PLEKHM2: variants seen among roughly 807,000 people sequenced by gnomAD.
PLEKHM2 encodes pleckstrin homology and RUN domain containing M2, also known as pleckstrin homology domain-containing family M member 2.
PLEKHM2 carries 77 observed loss-of-function variants against 116.3 expected under a neutral mutation model. That is an observed-to-expected ratio of 0.66 (90% confidence interval 0.55 to 0.80). The LOEUF is 0.80. PLEKHM2 is among the 30% of genes least tolerant of loss of function. PLEKHM2 has a pLI of 0.00. For missense variants in PLEKHM2, 1,183 were observed against 1,354.9 expected, an observed-to-expected ratio of 0.87 and a Z score of 1.99; for synonymous variants, 562 against 571.0, an observed-to-expected ratio of 0.98 and a Z score of 0.22.
intron 1 of PLEKHM2, among the ~76,000 whole-genome samples, chr1:15,704,180 C>T (rs1347115986): frequency 6.6e-6 from 1 of 151,240 alleles, no homozygotes; most frequent in Non-Finnish European, 1.5e-5. Context: ...GGGTCCCATC[C>T]TGTCTTTCCT....
Position 15,729,377 on chromosome 1 carries a change from G to A in PLEKHM2, c.2075+187G>A, listed in dbSNP as rs2068108329. ...AGTAGACGACAATCATAGGACTCAT[G>A]TGGTCAGCCCAGGTGACCTCAGCCC... On this transcript the variant is annotated intron_variant, in intron 13 of 19. Transcript: ENST00000375799. The surrounding 1 kb of genome is among the most constrained non-coding windows in gnomAD (Gnocchi z 4.7). Among the ~76,000 whole-genome samples, 1 of 152,094 alleles carries A rather than the reference G, an allele frequency of 6.6e-6. No homozygotes were observed. Among genetic ancestry groups the A allele is most frequent in the Middle Eastern group, 3.2e-3 (1 of 316 alleles).
intron 5 of PLEKHM2, among the ~76,000 whole-genome samples, chr1:15,718,901 C>G (rs898485333): frequency 6.6e-6 from 1 of 152,136 alleles, no homozygotes; most frequent in Admixed American, 6.5e-5. Flanking sequence ...AGTATCTTAG[C>G]CCAGAAGAAC....
At chr1:15,708,482 T>C (rs1455953347) in intron 1 of PLEKHM2, among the ~76,000 whole-genome samples, 2 of 152,242 alleles carry the variant, frequency 1.3e-5, no homozygotes, top group African/African-American at 4.8e-5. Flanking sequence ...CCCAAAGTGC[T>C]GGGATTACAG....
chr1:15,686,606 G>C (rs1043924443), intron 1 of PLEKHM2, among the ~76,000 whole-genome samples: 1 of 151,186 alleles, frequency 6.6e-6, no homozygotes, highest in Non-Finnish European at 1.5e-5. Flanking sequence ...TCGGCCTCTC[G>C]AGTAGCTGGG....
chr1:15,696,490 A>G (rs1175597682), intron 1 of PLEKHM2, among the ~76,000 whole-genome samples: 1 of 152,120 alleles, frequency 6.6e-6, no homozygotes, highest in East Asian at 1.9e-4. Flanking sequence ...AGCTGGGATT[A>G]TAGGCGCCCG....
At chr1:15,722,580 C>T (rs1201657555) in intron 7 of PLEKHM2, 1 of 152,198 alleles carries the variant, frequency 6.6e-6, no homozygotes, top group African/African-American at 2.4e-5. Flanking sequence ...GTGGCTCTCC[C>T]CGCATTATTA....
chr1:15,686,376 C>G (rs1007491486), intron 1 of PLEKHM2, among the ~76,000 whole-genome samples: 13 of 152,284 alleles, frequency 8.5e-5, no homozygotes, highest in Admixed American at 7.8e-4. Flanking sequence ...AATTAATAAC[C>G]CTGTAACCTT....
In PLEKHM2 at chr1:15,729,969, TG is replaced by T; in HGVS notation, c.2208+42del. ...AGGAAGCTGAGTGCAGCCCCTGAGA[TG>T]GCAGAGCAGCAGCCGCCTTGGCGTG... On this transcript the variant is annotated intron_variant, in intron 14 of 19. Coordinates refer to ENST00000375799, the MANE Select transcript of PLEKHM2 (RefSeq NM_015164.4). The surrounding 1 kb of genome is among the most constrained non-coding windows in gnomAD (Gnocchi z 4.7). 1 of 1,525,070 alleles carries T rather than the reference TG, an allele frequency of 6.6e-7. No individual in the cohort carries two copies. The allele number at this position is 1,525,070 out of a possible 1,614,324, so 94.5% of individuals were successfully genotyped here. A position where few individuals can be genotyped will look rare whatever the true frequency, so the allele number is the denominator to read the frequency against.
Position 15,728,503 on chromosome 1 carries a change from C to A in PLEKHM2, c.1921+146C>A. On this transcript the variant is annotated intron_variant, in intron 11 of 19. Coordinates refer to ENST00000375799, the MANE Select transcript of PLEKHM2 (RefSeq NM_015164.4). This position sits in a 1 kb window ranked among gnomAD's most constrained non-coding sequence, Gnocchi z 5.9. The stretch of plus-strand genomic sequence containing the variant: ...ACCCCAAGGAAGGTGTTGCCAGCAG[C>A]CCTGAGACGTGAGCCTGGGGCTCCC... The A allele has an allele frequency of 1.0e-6, 1 of 983,724 alleles. No individual in the cohort carries two copies. The highest frequency in any genetic ancestry group is 1.6e-5 in the South Asian group (1 of 63,924). 60.9% of individuals were successfully genotyped at this position (983,724 alleles called of 1,614,324 possible). A position where few individuals can be genotyped will look rare whatever the true frequency, so the allele number is the denominator to read the frequency against.
intron 8 of PLEKHM2, among the ~76,000 whole-genome samples, chr1:15,726,556 G>T (rs531177811): frequency 6.6e-6 from 1 of 152,196 alleles, no homozygotes. Context: ...GACCCGGAGC[G>T]TGAGCCCAGA....
In PLEKHM2 at chr1:15,730,513, G is replaced by A. The variant is rs201270093; in HGVS notation, c.2209-19G>A. On this transcript the variant is annotated intron_variant, in intron 14 of 19. Coordinates refer to ENST00000375799, the MANE Select transcript of PLEKHM2 (RefSeq NM_015164.4). ...CCAGGCCTTACTTGCTTTGTCCCCC[G>A]TGCCCGCCCCCGCATCAGGCATCTG... The A allele has an allele frequency of 2.0e-3, 3,086 of 1,528,690 alleles. 5 individuals are homozygous for A. Among genetic ancestry groups the A allele is most frequent in the Non-Finnish European group, 2.5e-3 (2,833 of 1,135,478 alleles). The allele number at this position is 1,528,690 out of a possible 1,614,324, so 94.7% of individuals were successfully genotyped here.
chr1:15,729,078 A>G lies in PLEKHM2; in HGVS notation c.1987-24A>G. 1 of 1,593,294 alleles carries G rather than the reference A, an allele frequency of 6.3e-7. No individual in the cohort carries two copies. On this transcript the variant is annotated intron_variant, in intron 12 of 19. Transcript: ENST00000375799. The surrounding 1 kb of genome is among the most constrained non-coding windows in gnomAD (Gnocchi z 4.7). Reference sequence around the variant, plus strand: ...CAGGCAGCAGCTAAGCCCCAAGTGCATGTCACGGTGTGGTTTCTGGCAGGT... The same window carrying G: ...CAGGCAGCAGCTAAGCCCCAAGTGCGTGTCACGGTGTGGTTTCTGGCAGGT...
chr1:15,727,088 C>T lies in PLEKHM2; in HGVS notation c.1016C>T (p.Ala339Val). Residue 339 changes from alanine to valine, a missense_variant, in exon 9 of 20, where the codon GCC becomes GTC. By Grantham distance (64) the Ala-to-Val change is moderately conservative. Coordinates refer to ENST00000375799, the MANE Select transcript of PLEKHM2 (RefSeq NM_015164.4). The surrounding 1 kb of genome is among the most constrained non-coding windows in gnomAD (Gnocchi z 7.5). ...SDEEASPLHP[A>V]CSQKKCAKQG... ...GAGGAGGCAAGTCCACTCCACCCCG[C>T]CTGCAGCCAGAAGAAATGTGCCAAG... The T allele has an allele frequency of 6.5e-7, 1 of 1,540,846 alleles. No homozygotes were observed. The highest frequency in any genetic ancestry group is 8.7e-7 in the Non-Finnish European group (1 of 1,144,916).
chr1:15,728,216 G>A lies in PLEKHM2; in HGVS notation c.1831-51G>A, dbSNP rs940500392. 84 of 1,605,674 alleles carry A rather than the reference G, an allele frequency of 5.2e-5. No homozygotes were observed. In the Admixed American group the frequency reaches 8.9e-4, roughly 17 times the overall value. On this transcript the variant is annotated intron_variant, in intron 10 of 19. Transcript: ENST00000375799. The surrounding 1 kb of genome is among the most constrained non-coding windows in gnomAD (Gnocchi z 5.9). ...CAAGGCGGGATGGGCCACCGCCCCCGCTGGAGCGGCAGGAGCCACCTGCCT... is the reference window on the plus strand; with the variant it reads ...CAAGGCGGGATGGGCCACCGCCCCCACTGGAGCGGCAGGAGCCACCTGCCT...
chr1:15,731,278 G>A (rs746154820), intron 16 of PLEKHM2, 21 bp downstream of exon 16: 8 of 1,552,712 alleles, frequency 5.2e-6, no homozygotes, highest in East Asian at 4.7e-5. Flanking sequence ...CGGGAGAAGC[G>A]GGTGTATCCT....
chr1:15,681,582 T>C (rs767194141), upstream of PLEKHM2: 2 of 477,802 alleles, frequency 4.2e-6, no homozygotes, highest in Admixed American at 4.5e-5. Flanking sequence ...TTGGGTCAGT[T>C]TTGGGGGACT....
rs548317261 is a variant in PLEKHM2 at position 15,719,376 on chromosome 1, C to T, written c.466-358C>T. 2.0e-5 allele frequency among the ~76,000 whole-genome samples: 3 copies of T among 151,974 alleles called. No individual in the cohort carries two copies. Among genetic ancestry groups the T allele is most frequent in the South Asian group, 2.1e-4 (1 of 4,808 alleles). On this transcript the variant is annotated intron_variant, in intron 5 of 19. Coordinates refer to ENST00000375799, the MANE Select transcript of PLEKHM2 (RefSeq NM_015164.4). This position sits in a 1 kb window ranked among gnomAD's most constrained non-coding sequence, Gnocchi z 4.1. ...CTGAGGCAGGAGAATCGCTCGAACC[C>T]GGGAGGTGGAAGTTGCAGTGAGCCG...
intron 1 of PLEKHM2, 79 bp downstream of exon 1, chr1:15,684,697 G>GGCGACCCTGATGCCGCAGGGACTC: frequency 2.5e-6 from 2 of 795,234 alleles, no homozygotes; most frequent in Non-Finnish European, 3.3e-6. Context: ...CTCCCGGGCC[G>GGCGACCCTGATGCCGCAGGGACTC]GGGCCCCCCG....
At position 15,728,263 on chromosome 1, in the gene PLEKHM2, C is replaced by T; in HGVS notation, c.1831-4C>T. 2 of 1,613,256 alleles carry T rather than the reference C, an allele frequency of 1.2e-6. No individual in the cohort carries two copies. Among genetic ancestry groups the T allele is most frequent in the Non-Finnish European group, 1.7e-6 (2 of 1,179,752 alleles). ...GCCTGACCCTTGTCTGCTTCGGCCC[C>T]CAGATGATCCGGATGAGCACCGGGC... On this transcript the variant is annotated splice_region_variant and splice_polypyrimidine_tract_variant and intron_variant, in intron 10 of 19. Coordinates refer to ENST00000375799, the MANE Select transcript of PLEKHM2 (RefSeq NM_015164.4). This position sits in a 1 kb window ranked among gnomAD's most constrained non-coding sequence, Gnocchi z 5.9.
Sources: allele counts gnomAD v4.1 joint callset (sites outside exome capture counted in the v4.1 genomes callset), GRCh38; gene constraint gnomAD v4.1.1; non-coding constraint Gnocchi (gnomAD v3.1); transcripts MANE v1.5; gene names NCBI Gene and HGNC (gene_info 2026-07-23, HGNC 2026-07-21).